Variants in ATP8A2 observed in about 807,000 individuals in gnomAD.
ATP8A2 encodes the protein phospholipid-transporting ATPase IB.
In ATP8A2, 100 loss-of-function variants were observed where a neutral mutation model predicts 165.6. The observed-to-expected ratio is 0.60, with a 90% CI of 0.51 to 0.71. The LOEUF (loss-of-function observed/expected upper bound fraction) is 0.71. ATP8A2 is among the 30% of genes least tolerant of loss of function. The pLI, the probability that ATP8A2 is intolerant of heterozygous loss-of-function variation, is 0.00. For missense variants in ATP8A2, 1,227 were observed against 1,479.5 expected, an observed-to-expected ratio of 0.83 and a Z score of 2.80; for synonymous variants, 543 against 548.8, an observed-to-expected ratio of 0.99 and a Z score of 0.15.
chr13:26,004,364 A>G (rs1457318641), intron 35 of ATP8A2, among the ~76,000 whole-genome samples: 1 of 152,106 alleles, frequency 6.6e-6, no homozygotes, highest in Non-Finnish European at 1.5e-5. Context: ...TTGATCTTGT[A>G]TCCTGCAACC....
At position 25,530,105 on chromosome 13, in the gene ATP8A2, G is replaced by GT. The variant is rs376711753; in HGVS notation, c.321+13dup. On this transcript the variant is annotated splice_region_variant and intron_variant, in intron 3 of 36. Transcript: ENST00000381655. The stretch of plus-strand genomic sequence containing the variant: ...CTTCATTGCCTTATTACAGGTAATG[G>GT]TTTTTTAACAGTTCCTTGGAATTCA... The GT allele has an allele frequency of 1.2e-5, 19 of 1,530,626 alleles. No individual in the cohort carries two copies. Among genetic ancestry groups the GT allele is most frequent in the Middle Eastern group, 3.4e-4 (2 of 5,874 alleles). The allele number at this position is 1,530,626 out of a possible 1,614,324, so 94.8% of individuals were successfully genotyped here.
chr13:26,005,441 T>C (rs1162472427), intron 35 of ATP8A2, among the ~76,000 whole-genome samples: 1 of 152,046 alleles, frequency 6.6e-6, no homozygotes, highest in Admixed American at 6.6e-5. Context: ...CTGTTTCATT[T>C]ATTTCTGCTC....
At chr13:25,784,833 T>G (rs1264587571) in intron 27 of ATP8A2, among the ~76,000 whole-genome samples, 1 of 152,048 alleles carries the variant, frequency 6.6e-6, no homozygotes, top group African/African-American at 2.4e-5. Context: ...TGGCGTGATC[T>G]CAGCTCACTG....
intron 2 of ATP8A2, among the ~76,000 whole-genome samples, chr13:25,507,289 A>G (rs9511820): frequency 1 from 150,233 of 150,250 alleles, 75,108 homozygotes; most frequent in Middle Eastern, 1. Flanking sequence ...GTTTTGAGAA[A>G]GAGTTTTGTT....
At chr13:25,678,014 A>G (rs1037166806) in intron 24 of ATP8A2, among the ~76,000 whole-genome samples, 1 of 152,202 alleles carries the variant, frequency 6.6e-6, no homozygotes, top group African/African-American at 2.4e-5. Flanking sequence ...AATGATGGAA[A>G]GAATGCAGGA....
intron 25 of ATP8A2, among the ~76,000 whole-genome samples, chr13:25,749,179 G>C (rs1198783131): frequency 6.6e-6 from 1 of 152,188 alleles, no homozygotes; most frequent in Non-Finnish European, 1.5e-5. Context: ...GCATTTGGGA[G>C]GCACTGCAGA....
intron 1 of ATP8A2, among the ~76,000 whole-genome samples, chr13:25,436,953 T>C (rs1232029037): frequency 6.6e-6 from 1 of 152,040 alleles, no homozygotes; most frequent in East Asian, 1.9e-4. Context: ...ATTTTTGTAT[T>C]TTTTGTAGAG....
At chr13:25,807,014 T>G (rs531781938) in intron 27 of ATP8A2, among the ~76,000 whole-genome samples, 2 of 152,314 alleles carry the variant, frequency 1.3e-5, no homozygotes, top group African/African-American at 4.8e-5. Context: ...TGCCCATTTT[T>G]GGATTGGGTT....
At chr13:25,399,983 A>AGTGGT (rs1354269610) in intron 1 of ATP8A2, among the ~76,000 whole-genome samples, 2 of 149,314 alleles carry the variant, frequency 1.3e-5, no homozygotes, top group South Asian at 2.2e-4. Context: ...TTTTTGAGGA[A>AGTGGT]GCCATCAGAG....
chr13:25,769,313 A>G, intron 26 of ATP8A2, 84 bp downstream of exon 26: 1 of 1,372,508 alleles, frequency 7.3e-7, no homozygotes, highest in South Asian at 1.3e-5. Flanking sequence ...CCTTCAGTGC[A>G]TCTCCAAACC....
chr13:25,772,918 T>G (rs1169944434), intron 26 of ATP8A2, among the ~76,000 whole-genome samples: 1 of 151,688 alleles, frequency 6.6e-6, no homozygotes, highest in Non-Finnish European at 1.5e-5. Context: ...CAACACCACG[T>G]CTGACTACTT....
At chr13:25,927,254 T>C (rs1954636792) in intron 33 of ATP8A2, 1 of 456,514 alleles carries the variant, frequency 2.2e-6, no homozygotes, top group African/African-American at 2.0e-5. Context: ...GACAGAAAGA[T>C]TAAACGTCTG....
chr13:25,390,346 G>A (rs2033200103), intron 1 of ATP8A2, among the ~76,000 whole-genome samples: 1 of 152,146 alleles, frequency 6.6e-6, no homozygotes, highest in Non-Finnish European at 1.5e-5. Context: ...TTTACACACA[G>A]TGAAATGTGC....
At chr13:25,567,453 G>A (rs1003585446) in intron 16 of ATP8A2, 11 of 453,044 alleles carry the variant, frequency 2.4e-5, no homozygotes, top group Middle Eastern at 3.3e-4. Context: ...GCCCTCCTGA[G>A]CCAAATTTCT....
chr13:25,705,001 T>A (rs1327947866), intron 25 of ATP8A2, among the ~76,000 whole-genome samples: 1 of 152,238 alleles, frequency 6.6e-6, no homozygotes, highest in Non-Finnish European at 1.5e-5. Flanking sequence ...CTGTCTTATA[T>A]GTTTAGACTT....
At chr13:25,776,177 C>T (rs144169116) in intron 27 of ATP8A2, among the ~76,000 whole-genome samples, 2 of 152,354 alleles carry the variant, frequency 1.3e-5, no homozygotes, top group African/African-American at 4.8e-5. Context: ...CAAGGGCCAG[C>T]CTATTCGCCA....
intron 1 of ATP8A2, among the ~76,000 whole-genome samples, chr13:25,467,745 G>T (rs2035709598): frequency 6.6e-6 from 1 of 151,984 alleles, no homozygotes; most frequent in Admixed American, 6.5e-5. Flanking sequence ...TAGAGATGGG[G>T]TTTCACCGTG....
intron 1 of ATP8A2, among the ~76,000 whole-genome samples, chr13:25,394,884 A>G (rs1456490679): frequency 1.3e-5 from 2 of 152,180 alleles, no homozygotes; most frequent in Non-Finnish European, 2.9e-5. Flanking sequence ...GACAAGCCTT[A>G]CTAAAGCAGC....
At chr13:25,438,578 C>G (rs1410645146) in intron 1 of ATP8A2, among the ~76,000 whole-genome samples, 1 of 151,710 alleles carries the variant, frequency 6.6e-6, no homozygotes, top group Admixed American at 6.6e-5. Context: ...GATTTGGAGG[C>G]TACAACGAGC....
Sources: allele counts gnomAD v4.1 joint callset (sites outside exome capture counted in the v4.1 genomes callset), GRCh38; gene constraint gnomAD v4.1.1; transcripts MANE v1.5; gene names NCBI Gene and HGNC (gene_info 2026-07-23, HGNC 2026-07-21).